Variants in TET2 observed in about 807,000 individuals in gnomAD.
The protein encoded by TET2 is tet methylcytosine dioxygenase 2.
In TET2, 299 loss-of-function variants were observed where a neutral mutation model predicts 142.9. That is an observed-to-expected ratio of 2.09 (90% confidence interval 1.90 to 2.30). TET2 has a LOEUF of 2.30. TET2 is among the 30% of genes most tolerant of loss of function. The pLI is 0.00. For synonymous variants in TET2, 819 were observed against 849.0 expected (o/e 0.96, Z 0.61); for missense variants, 2,418 against 2,378.0 (o/e 1.02, Z -0.35).
intron 1 of TET2, among the ~76,000 whole-genome samples, chr4:105,156,408 A>G (rs1723571023): frequency 6.6e-6 from 1 of 152,176 alleles, no homozygotes; most frequent in African/African-American, 2.4e-5. Context: ...TTAATTTGCT[A>G]CTTTTAACAT....
chr4:105,234,596 G>A lies in TET2; in HGVS notation c.654G>A (p.Val218=). Residue 218 remains valine (V), a synonymous_variant, in exon 3 of 11, where the codon GTG becomes GTA. Coordinates refer to ENST00000380013, the MANE Select transcript of TET2 (RefSeq NM_001127208.3). The part of the protein sequence containing the change: ...PNGATVSASS[V]EHTHGELLEK... The stretch of plus-strand genomic sequence containing the variant: ...GTGCTACAGTTTCTGCCTCTTCCGT[G>A]GAACACACACATGGTGAACTCCTGG... The A allele has an allele frequency of 1.2e-6, 2 of 1,614,076 alleles. No individual in the cohort carries two copies. The highest frequency in any genetic ancestry group is 1.7e-6 in the Non-Finnish European group (2 of 1,180,016).
intron 2 of TET2, among the ~76,000 whole-genome samples, chr4:105,192,004 A>T (rs1725817316): frequency 6.6e-6 from 1 of 151,944 alleles, no homozygotes; most frequent in Non-Finnish European, 1.5e-5. Flanking sequence ...TCCCTTGATG[A>T]TTGCTTTACC....
intron 7 of TET2, 77 bp from the exon 8 acceptor site, chr4:105,261,668 AAATGTAAGGGGAAT>A (rs1730434930): frequency 1.4e-6 from 1 of 713,078 alleles, no homozygotes; most frequent in Non-Finnish European, 2.3e-6. Context: ...TTGGGATTCA[AAATGTAAGGGGAAT>A]AATCTAACTG....
chr4:105,208,095 G>C (rs558071853), intron 2 of TET2, among the ~76,000 whole-genome samples: 1 of 152,260 alleles, frequency 6.6e-6, no homozygotes, highest in Non-Finnish European at 1.5e-5. Context: ...TGCTACTTGA[G>C]TTCATGGGAA....
chr4:105,181,332 C>T (rs777364932), intron 1 of TET2, among the ~76,000 whole-genome samples: 3 of 152,090 alleles, frequency 2.0e-5, no homozygotes, highest in Admixed American at 6.5e-5. Context: ...TTTATTTTGT[C>T]ATGTGATGAA....
chr4:105,172,607 A>G (rs1452234700), intron 1 of TET2: 3 of 152,232 alleles, frequency 2.0e-5, no homozygotes, highest in Non-Finnish European at 1.5e-5. Context: ...GGTATTTGTT[A>G]CATTGCATTT....
intron 2 of TET2, among the ~76,000 whole-genome samples, chr4:105,201,466 C>G (rs1477104763): frequency 6.6e-6 from 1 of 152,102 alleles, no homozygotes; most frequent in Admixed American, 6.5e-5. Context: ...GTTCCCATTT[C>G]AGTGCTCAAT....
intron 10 of TET2, among the ~76,000 whole-genome samples, chr4:105,273,288 G>A (rs924376114): frequency 6.6e-6 from 1 of 152,218 alleles, no homozygotes; most frequent in Non-Finnish European, 1.5e-5. Context: ...GCCAGGCTTT[G>A]TTCTCAGAGA....
At chr4:105,187,694 G>C (rs1289475257) in intron 1 of TET2, among the ~76,000 whole-genome samples, 2 of 151,958 alleles carry the variant, frequency 1.3e-5, no homozygotes, top group Non-Finnish European at 2.9e-5. Flanking sequence ...ATTTCTGTTT[G>C]ATCATTTTAT....
chr4:105,264,457 A>G (rs1482057341), intron 8 of TET2, among the ~76,000 whole-genome samples: 2 of 152,206 alleles, frequency 1.3e-5, no homozygotes, highest in African/African-American at 4.8e-5. Flanking sequence ...TTGAGGCAGA[A>G]TAACAAAGCA....
chr4:105,168,678 A>T (rs1724289380), intron 1 of TET2, among the ~76,000 whole-genome samples: 1 of 151,684 alleles, frequency 6.6e-6, no homozygotes. Context: ...ATCTTGGTGC[A>T]CCTATCACCC....
intron 1 of TET2, among the ~76,000 whole-genome samples, chr4:105,170,059 G>A (rs1050537614): frequency 6.6e-6 from 1 of 152,060 alleles, no homozygotes; most frequent in Non-Finnish European, 1.5e-5. Flanking sequence ...GGCTCTGTGG[G>A]TTCTTTTTTG....
intron 8 of TET2, among the ~76,000 whole-genome samples, chr4:105,262,885 A>G (rs149013714): frequency 0.039 from 5,992 of 151,820 alleles, 165 homozygotes; most frequent in Non-Finnish European, 0.057. Context: ...CCATCTCAAA[A>G]AAAAAAAAAA....
chr4:105,210,187 T>G (rs767012852), intron 2 of TET2, among the ~76,000 whole-genome samples: 48 of 152,146 alleles, frequency 3.2e-4, no homozygotes, highest in Non-Finnish European at 6.2e-4. Context: ...AGGAGACGAT[T>G]GAAAATCCAA....
rs1729266979 is a variant in TET2, at chr4:105,241,021, G to T, written c.3410-318G>T. ...TTCCAGCTCAAAAAATTGGATTGTA[G>T]TTGATACTACATATAATACATTCTA... On this transcript the variant is annotated intron_variant, in intron 3 of 10. Coordinates refer to ENST00000380013, the MANE Select transcript of TET2 (RefSeq NM_001127208.3). The T allele has an allele frequency of 6.5e-6, 7 of 1,073,332 alleles. No homozygotes were observed. The South Asian group carries it at 3.2e-4, about 49-fold the overall frequency. The allele number at this position is 1,073,332 out of a possible 1,614,324, so 66.5% of individuals were successfully genotyped here.
chr4:105,193,725 T>C (rs1386162107), intron 2 of TET2, among the ~76,000 whole-genome samples: 1 of 152,126 alleles, frequency 6.6e-6, no homozygotes, highest in Non-Finnish European at 1.5e-5. Flanking sequence ...TTAAAAGAAA[T>C]AGGGAAGTTG....
chr4:105,272,903 G>C lies in TET2; in HGVS notation c.4522G>C (p.Ala1508Pro). 2 of 1,533,338 alleles carry C rather than the reference G, an allele frequency of 1.3e-6. No individual in the cohort carries two copies. The highest frequency in any genetic ancestry group is 1.8e-6 in the Non-Finnish European group (2 of 1,139,860). 95.0% of individuals were successfully genotyped at this position (1,533,338 alleles called of 1,614,324 possible). A position where few individuals can be genotyped will look rare whatever the true frequency, so the allele number is the denominator to read the frequency against. ...RTKQTENASQ[A>P]KQLAELLRLS... is the part of the protein sequence containing the mutation. ...AAAACAAACTGAAAACGCAAGCCAGGCTAAACAGTTGGCAGGTAAATTTAA... is the reference window on the plus strand; with the variant it reads ...AAAACAAACTGAAAACGCAAGCCAGCCTAAACAGTTGGCAGGTAAATTTAA... The change falls in exon 10 of 11, where the codon GCT becomes CCT. Residue 1508 changes from alanine (A) to proline (P), a missense_variant. By Grantham distance (27) the Ala-to-Pro change is conservative (BLOSUM62 -1). Coordinates refer to ENST00000380013, the MANE Select transcript of TET2 (RefSeq NM_001127208.3).
intron 3 of TET2, chr4:105,240,223 A>G: frequency 2.4e-6 from 1 of 409,554 alleles, no homozygotes; most frequent in Non-Finnish European, 3.7e-6. Flanking sequence ...ACTGATAGAC[A>G]TACTTAACAC....
At chr4:105,273,231 A>G (rs1731051658) in intron 10 of TET2, among the ~76,000 whole-genome samples, 1 of 152,156 alleles carries the variant, frequency 6.6e-6, no homozygotes, top group African/African-American at 2.4e-5. Flanking sequence ...AAGTTATATC[A>G]ATCATGGTCT....
Sources: gnomAD v4.1 joint callset for allele counts (sites outside exome capture counted in the v4.1 genomes callset) on GRCh38, gnomAD v4.1.1 for gene constraint, MANE v1.5 for transcripts, NCBI Gene and HGNC (gene_info 2026-07-23, HGNC 2026-07-21) for gene names.